PRR5L: variants seen among roughly 807,000 people sequenced by gnomAD.
The protein encoded by PRR5L is proline-rich protein 5-like.
In PRR5L, 21 loss-of-function variants were observed where a neutral mutation model predicts 36.4. The observed-to-expected ratio is 0.58, with a 90% confidence interval of 0.41 to 0.83. The LOEUF is 0.83. Ranked by LOEUF, PRR5L falls within the 40% of genes least tolerant of loss-of-function variation. The probability of loss-of-function intolerance (pLI) is 0.00; values close to 1 mark genes in which losing one functional copy is unlikely to be tolerated. For synonymous variants in PRR5L, 188 were observed against 197.0 expected (o/e 0.95, Z 0.38); for missense variants, 381 against 473.3 (o/e 0.80, Z 1.81).
At position 36,323,080 on chromosome 11, in the gene PRR5L, T is replaced by C. The variant is rs181385981; in HGVS notation, c.-126+26642T>C. On this transcript the variant is annotated intron_variant, in intron 1 of 8. Coordinates refer to ENST00000530639, the MANE Select transcript of PRR5L (RefSeq NM_001160167.2). Reference sequence around the variant, plus strand: ...ATAACTGACAGAGGAGAAATTTTGTTTTTTTTAAGCCACCCAGTCTGTGGT... The same window carrying C: ...ATAACTGACAGAGGAGAAATTTTGTCTTTTTTAAGCCACCCAGTCTGTGGT... 4.5e-3 allele frequency among the ~76,000 whole-genome samples: 679 copies of C among 152,252 alleles called. 6 individuals carry two copies. Among genetic ancestry groups the C allele is most frequent in the African/African-American group, 0.015 (627 of 41,538 alleles).
At position 36,462,413 on chromosome 11, in the gene PRR5L, C is replaced by A. The variant is rs367619940; in HGVS notation, c.784C>A (p.Arg262=). ...NYASPITAVS[R]PLNEMVLTPL... The stretch of plus-strand genomic sequence containing the variant: ...TGCCTCCCCGATAACCGCAGTCAGC[C>A]GGCCACTGAATGAGATGGTCTTGAC... The change falls in exon 9 of 9, where the codon CGG becomes AGG. Residue 262 remains arginine, a synonymous_variant. Coordinates refer to ENST00000530639, the MANE Select transcript of PRR5L (RefSeq NM_001160167.2). The A allele has an allele frequency of 2.5e-5, 39 of 1,577,056 alleles. No individual in the cohort carries two copies. Among genetic ancestry groups the A allele is most frequent in the Non-Finnish European group, 3.4e-5 (39 of 1,159,086 alleles).
chr11:36,464,759 G>A lies in PRR5L; in HGVS notation c.*2023G>A, dbSNP rs1157868821. Reference sequence around the variant, plus strand: ...TAAGGTTAAGCATATGTGCATGCGTGCGTGTGTATATAAATGCCTTTTCCA... The same window carrying A: ...TAAGGTTAAGCATATGTGCATGCGTACGTGTGTATATAAATGCCTTTTCCA... On this transcript the variant is annotated 3_prime_UTR_variant, in exon 9 of 9. Coordinates refer to ENST00000530639, the MANE Select transcript of PRR5L (RefSeq NM_001160167.2). 2 of 152,194 alleles carry A rather than the reference G, an allele frequency of 1.3e-5. No individual in the cohort carries two copies. Among genetic ancestry groups the A allele is most frequent in the African/African-American group, 4.8e-5 (2 of 41,452 alleles). The allele number at this position is 152,194 out of a possible 1,614,324, so 9.4% of individuals were successfully genotyped here. A position where few individuals can be genotyped will look rare whatever the true frequency, so the allele number is the denominator to read the frequency against.
At chr11:36,303,768 A>T (rs1856401487) in intron 1 of PRR5L, among the ~76,000 whole-genome samples, 1 of 152,252 alleles carries the variant, frequency 6.6e-6, no homozygotes, top group Admixed American at 6.5e-5. Flanking sequence ...ATGAAAAATT[A>T]AACAAATATT....
intron 1 of PRR5L, among the ~76,000 whole-genome samples, chr11:36,332,400 C>T (rs374815449): frequency 1.3e-5 from 2 of 152,122 alleles, no homozygotes; most frequent in South Asian, 2.1e-4. Flanking sequence ...ACAAAGAGAG[C>T]GGTAGTTGGG....
intron 1 of PRR5L, among the ~76,000 whole-genome samples, chr11:36,362,775 C>T (rs1159898625): frequency 6.6e-6 from 1 of 151,898 alleles, no homozygotes; most frequent in Admixed American, 6.6e-5. Context: ...AAATAATGTG[C>T]TGTCATTGAT....
chr11:36,357,997 C>T (rs1250069630), intron 1 of PRR5L, among the ~76,000 whole-genome samples: 1 of 152,176 alleles, frequency 6.6e-6, no homozygotes, highest in Non-Finnish European at 1.5e-5. Context: ...CCATTAAGAA[C>T]ATTTGTGATT....
chr11:36,420,545 G>A (rs772499869), intron 4 of PRR5L, among the ~76,000 whole-genome samples: 3 of 152,210 alleles, frequency 2.0e-5, no homozygotes, highest in African/African-American at 4.8e-5. Flanking sequence ...TCAGTGACTA[G>A]CAGAGAGTAA....
intron 1 of PRR5L, among the ~76,000 whole-genome samples, chr11:36,317,561 G>A (rs144824269): frequency 2.0e-5 from 3 of 152,260 alleles, no homozygotes; most frequent in East Asian, 3.9e-4. Context: ...GTTTGTGTTC[G>A]GAGTTATTTG....
intron 1 of PRR5L, among the ~76,000 whole-genome samples, chr11:36,309,658 G>GTGGTGGCAGTGGGGA: frequency 6.6e-6 from 1 of 151,914 alleles, no homozygotes; most frequent in Non-Finnish European, 1.5e-5. Context: ...GATGATGATG[G>GTGGTGGCAGTGGGGA]TGGTGGTGGT....
intron 1 of PRR5L, among the ~76,000 whole-genome samples, chr11:36,343,580 T>C (rs1317811963): frequency 6.6e-6 from 1 of 152,200 alleles, no homozygotes; most frequent in Non-Finnish European, 1.5e-5. Flanking sequence ...TTCTGCTCAC[T>C]CTAAAAGTTG....
intron 1 of PRR5L, among the ~76,000 whole-genome samples, chr11:36,370,781 T>C (rs1857189480): frequency 6.7e-6 from 1 of 148,346 alleles, no homozygotes; most frequent in African/African-American, 2.5e-5. Flanking sequence ...CTTGGGAGGC[T>C]GAGGCAGGAG....
chr11:36,443,982 A>AT (rs1316172889), intron 6 of PRR5L, among the ~76,000 whole-genome samples: 3 of 152,128 alleles, frequency 2.0e-5, no homozygotes, highest in African/African-American at 7.2e-5. Flanking sequence ...ACATGGCAGT[A>AT]TTTTTTTACG....
At chr11:36,357,395 A>G (rs1018517073) in intron 1 of PRR5L, among the ~76,000 whole-genome samples, 14 of 152,220 alleles carry the variant, frequency 9.2e-5, no homozygotes, top group Non-Finnish European at 2.1e-4. Context: ...GGCTAAACAG[A>G]TTTTCAATGT....
At chr11:36,351,627 T>TTATATAAATATATATTTATATATA (rs1554987242) in intron 1 of PRR5L, among the ~76,000 whole-genome samples, 301 of 15,918 alleles carry the variant, frequency 0.019, 117 homozygotes, top group African/African-American at 0.12. Flanking sequence ...ATTTATATAT[T>TTATATAAATATATATTTATATATA]TATATAAATA....
At chr11:36,405,100 C>A (rs558437879) in intron 3 of PRR5L, among the ~76,000 whole-genome samples, 69 of 152,142 alleles carry the variant, frequency 4.5e-4, no homozygotes, top group Non-Finnish European at 8.4e-4. Flanking sequence ...TTGTGGACAG[C>A]TGGGAGAGGT....
rs1403239109 is a variant in PRR5L, at chr11:36,412,686, AGGG to A, written c.246-6568_246-6566del. ...AATTGGTAAAAGTAAGTCAGGCTAC[AGGG>A]TGAATTGTCCCATTGTGATTTTGGC... On this transcript the variant is annotated intron_variant, in intron 3 of 8. Coordinates refer to ENST00000530639, the MANE Select transcript of PRR5L (RefSeq NM_001160167.2). 5.8e-3 allele frequency among the ~76,000 whole-genome samples: 889 copies of A among 152,280 alleles called. 7 individuals carry two copies. Among genetic ancestry groups the A allele is most frequent in the African/African-American group, 0.02 (843 of 41,554 alleles).
At chr11:36,398,291 G>A (rs896011609) in intron 1 of PRR5L, 5 of 152,288 alleles carry the variant, frequency 3.3e-5, no homozygotes, top group African/African-American at 9.7e-5. Flanking sequence ...ATGGGACCTG[G>A]ACTGGCCCCA....
chr11:36,402,917 C>G (rs1322665930), intron 2 of PRR5L, among the ~76,000 whole-genome samples: 1 of 152,240 alleles, frequency 6.6e-6, no homozygotes, highest in East Asian at 1.9e-4. Context: ...CCTGTGAAGA[C>G]AGTGGCTGTG....
In PRR5L at chr11:36,344,476, G is replaced by C. The variant is rs1221613410; in HGVS notation, c.-126+48038G>C. Among the ~76,000 whole-genome samples the C allele has an allele frequency of 1.3e-5, 2 of 151,984 alleles. No individual in the cohort carries two copies. Among genetic ancestry groups the C allele is most frequent in the South Asian group, 4.2e-4 (2 of 4,818 alleles). On this transcript the variant is annotated intron_variant, in intron 1 of 8. Transcript: ENST00000530639. The surrounding 1 kb of genome is among the most constrained non-coding windows in gnomAD (Gnocchi z 4.1). ...GGCAAACATAATGTTCCATTCTATG[G>C]CTATATTGTACCACCTGTTTTGGAC... is the stretch of plus-strand genomic sequence containing the variant.
Sources: allele counts gnomAD v4.1 joint callset (sites outside exome capture counted in the v4.1 genomes callset), GRCh38; gene constraint gnomAD v4.1.1; non-coding constraint Gnocchi (gnomAD v3.1); transcripts MANE v1.5; gene names NCBI Gene and HGNC (gene_info 2026-07-23, HGNC 2026-07-21).